SERPINB12: variants seen among roughly 807,000 people sequenced by gnomAD.
The protein encoded by SERPINB12 is serpin family B member 12, also known as serpin B12.
SERPINB12 carries 57 observed loss-of-function variants against 41.1 expected under a neutral mutation model. The ratio of observed to expected loss-of-function variants is 1.39; its 90% CI spans 1.12 to 1.73. The LOEUF (loss-of-function observed/expected upper bound fraction) is 1.73, where lower values mean the gene tolerates loss of function less well. SERPINB12 is among the 40% of genes most tolerant of loss of function. SERPINB12 has a pLI of 0.00. For missense variants in SERPINB12, 536 were observed against 501.9 expected (o/e 1.07, Z -0.65); for synonymous variants, 180 against 181.3 (o/e 0.99, Z 0.06).
At chr18:63,519,856 C>A in the SERPINB12 span, among the ~76,000 whole-genome samples, 1 of 152,082 alleles carries the variant, frequency 6.6e-6, no homozygotes, top group African/African-American at 2.4e-5. Context: ...AAGGTAGGCT[C>A]GAGAATGAGT....
chr18:63,519,656 G>T, the SERPINB12 span, among the ~76,000 whole-genome samples: 4 of 152,118 alleles, frequency 2.6e-5, no homozygotes, highest in Non-Finnish European at 5.9e-5. Flanking sequence ...TAGGGAACTA[G>T]GTCTTCTGGG....
intron 1 of SERPINB12, among the ~76,000 whole-genome samples, chr18:63,548,438 G>A (rs1456007948): frequency 6.6e-6 from 1 of 151,866 alleles, no homozygotes; most frequent in Non-Finnish European, 1.5e-5. Context: ...TTACCCTCAA[G>A]GTTTTGAAGT....
At chr18:63,550,610 A>G (rs1331893613) in intron 1 of SERPINB12, among the ~76,000 whole-genome samples, 1 of 152,120 alleles carries the variant, frequency 6.6e-6, no homozygotes, top group Non-Finnish European at 1.5e-5. Context: ...CCAACCAAAA[A>G]AGGAACCAGT....
At chr18:63,527,097 A>C in the SERPINB12 span, among the ~76,000 whole-genome samples, 8 of 152,218 alleles carry the variant, frequency 5.3e-5, no homozygotes, top group Non-Finnish European at 8.8e-5. Context: ...GTTATGCGGT[A>C]TATGACTATA....
the SERPINB12 span, among the ~76,000 whole-genome samples, chr18:63,526,723 T>C: frequency 6.6e-6 from 1 of 152,234 alleles, no homozygotes; most frequent in Non-Finnish European, 1.5e-5. Flanking sequence ...CTCTTTTCAA[T>C]TTTAAGTGAG....
chr18:63,541,952 C>CT (rs1910280782), upstream of SERPINB12, among the ~76,000 whole-genome samples: 2 of 152,206 alleles, frequency 1.3e-5, no homozygotes, highest in Admixed American at 1.3e-4. Flanking sequence ...TCACACTTGA[C>CT]TGAGAACCTC....
intron 7 of SERPINB12, 96 bp from the exon 8 acceptor site, chr18:63,566,511 C>T: frequency 9.2e-7 from 1 of 1,082,100 alleles, no homozygotes; most frequent in East Asian, 2.4e-5. Flanking sequence ...AAGGTTGTCA[C>T]TGCCCACTGA....
chr18:63,526,144 G>T, the SERPINB12 span, among the ~76,000 whole-genome samples: 1 of 152,026 alleles, frequency 6.6e-6, no homozygotes, highest in African/African-American at 2.4e-5. Context: ...TAACATATTT[G>T]ATTTAAACAC....
chr18:63,530,401 C>T, the SERPINB12 span, among the ~76,000 whole-genome samples: 1 of 152,146 alleles, frequency 6.6e-6, no homozygotes, highest in Non-Finnish European at 1.5e-5. Flanking sequence ...CTAAGGAATG[C>T]CACATGATGC....
rs1910293191 is a variant in SERPINB12, at chr18:63,542,511, A to C, written c.-19+19A>C. Among the ~76,000 whole-genome samples the C allele has an allele frequency of 6.6e-6, 1 of 152,182 alleles. No individual in the cohort carries two copies. Among genetic ancestry groups the C allele is most frequent in the Non-Finnish European group, 1.5e-5 (1 of 68,040 alleles). On this transcript the variant is annotated intron_variant, in intron 1 of 7. Transcript: ENST00000382768. ...CTTCCAGGTATGTGCTGGGAGGTGG[A>C]CAAGCTATTGTTGGTAGAGATGCCT...
upstream of SERPINB12, among the ~76,000 whole-genome samples, chr18:63,537,567 A>C (rs1017664154): frequency 2.6e-5 from 4 of 152,134 alleles, no homozygotes; most frequent in Non-Finnish European, 5.9e-5. Flanking sequence ...ACGAGTGTGG[A>C]TAAATTATAT....
chr18:63,563,095 G>C (rs530309069), intron 5 of SERPINB12, among the ~76,000 whole-genome samples: 48 of 152,150 alleles, frequency 3.2e-4, no homozygotes, highest in Non-Finnish European at 5.7e-4. Context: ...GGATGCAATT[G>C]ATTCTTCTAT....
intron 3 of SERPINB12, among the ~76,000 whole-genome samples, chr18:63,559,027 T>TTTCC: frequency 1.5e-5 from 1 of 68,826 alleles, no homozygotes; most frequent in East Asian, 2.9e-4. Flanking sequence ...TCTTTCTTTC[T>TTTCC]TTCTTTCTTT....
upstream of SERPINB12, among the ~76,000 whole-genome samples, chr18:63,540,049 G>A (rs1910243936): frequency 6.6e-6 from 1 of 152,152 alleles, no homozygotes; most frequent in African/African-American, 2.4e-5. Context: ...AGAAAATTAG[G>A]TGGTTACACC....
the SERPINB12 span, among the ~76,000 whole-genome samples, chr18:63,519,695 G>A: frequency 1.3e-5 from 2 of 152,060 alleles, no homozygotes; most frequent in African/African-American, 4.8e-5. Context: ...GCTGGGAGTT[G>A]GTAACTTTGC....
At chr18:63,548,118 A>G (rs1196992814) in intron 1 of SERPINB12, among the ~76,000 whole-genome samples, 1 of 152,142 alleles carries the variant, frequency 6.6e-6, no homozygotes, top group Non-Finnish European at 1.5e-5. Context: ...TTGTATGGTT[A>G]TTGTATACAG....
chr18:63,527,667 G>A, the SERPINB12 span, among the ~76,000 whole-genome samples: 2 of 152,120 alleles, frequency 1.3e-5, no homozygotes, highest in Admixed American at 1.3e-4. Context: ...AAGAGTGTAG[G>A]CAAGTTGGTT....
At chr18:63,553,368 G>A (rs1910582195) in intron 1 of SERPINB12, among the ~76,000 whole-genome samples, 1 of 152,012 alleles carries the variant, frequency 6.6e-6, no homozygotes, top group African/African-American at 2.4e-5. Context: ...TTTGGCCTCA[G>A]TTTTTTTTAT....
At chr18:63,536,271 T>A in the SERPINB12 span, among the ~76,000 whole-genome samples, 536 of 151,918 alleles carry the variant, frequency 3.5e-3, 6 homozygotes, top group African/African-American at 0.012. Context: ...TATTTAAATG[T>A]CAAATGACAA....
Sources: gnomAD v4.1 joint callset for allele counts (sites outside exome capture counted in the v4.1 genomes callset) on GRCh38, gnomAD v4.1.1 for gene constraint, MANE v1.5 for transcripts, NCBI Gene and HGNC (gene_info 2026-07-23, HGNC 2026-07-21) for gene names.